Variants in PCDHA10 observed in about 807,000 individuals in gnomAD.
The protein encoded by PCDHA10 is protocadherin alpha-10.
PCDHA10 carries 45 observed loss-of-function variants against 61.2 expected under a neutral mutation model. The observed-to-expected ratio is 0.74, with a 90% confidence interval of 0.58 to 0.94. PCDHA10 has a LOEUF of 0.94. Ranked by LOEUF, PCDHA10 falls within the 40% of genes least tolerant of loss-of-function variation. The probability of loss-of-function intolerance (pLI) is 0.00; values close to 1 mark genes in which losing one functional copy is unlikely to be tolerated. For synonymous variants in PCDHA10, 602 were observed against 548.8 expected (o/e 1.10, Z -1.35); for missense variants, 1,278 against 1,236.2 (o/e 1.03, Z -0.51).
rs558801074 is a variant in PCDHA10 at position 140,931,826 on chromosome 5, G to A, written c.2389-47123G>A. On this transcript the variant is annotated intron_variant, in intron 1 of 3. Transcript: ENST00000307360. ...TCTTTAGAAAAGAATTCTTGTCATA[G>A]TATCCTGAATGCCTTAATAACAACA... Among the ~76,000 whole-genome samples, 28 of 151,962 alleles carry A rather than the reference G, an allele frequency of 1.8e-4. No homozygotes were observed. In the South Asian group the frequency reaches 5.4e-3, roughly 29 times the overall value.
intron 1 of PCDHA10, among the ~76,000 whole-genome samples, chr5:140,959,240 G>A (rs1554223957): frequency 1.3e-5 from 2 of 152,074 alleles, no homozygotes; most frequent in African/African-American, 4.8e-5. Flanking sequence ...ATCTGGGCAT[G>A]ATAGTGCATG....
intron 1 of PCDHA10, chr5:140,875,679 A>T (rs1554167850): frequency 4.3e-6 from 7 of 1,613,916 alleles, no homozygotes; most frequent in Non-Finnish European, 8.5e-7. Context: ...TGGCGTCCAA[A>T]AGACACGGGG....
intron 1 of PCDHA10, chr5:140,929,108 C>T (rs1255119645): frequency 6.2e-7 from 1 of 1,614,080 alleles, no homozygotes; most frequent in African/African-American, 1.3e-5. Flanking sequence ...TGCATGACAT[C>T]AGCCACCATA....
At chr5:140,938,827 C>T (rs905501922) in intron 1 of PCDHA10, among the ~76,000 whole-genome samples, 4 of 151,880 alleles carry the variant, frequency 2.6e-5, no homozygotes, top group Non-Finnish European at 4.4e-5. Context: ...CATGAGTTTG[C>T]GTTATAACAA....
At chr5:140,989,007 A>C (rs1356295875) in intron 3 of PCDHA10, 1 of 152,216 alleles carries the variant, frequency 6.6e-6, no homozygotes, top group Non-Finnish European at 1.5e-5. Flanking sequence ...ATAGAGACTT[A>C]TTATAGTTTC....
At chr5:140,878,906 C>T (rs1320249788) in intron 1 of PCDHA10, among the ~76,000 whole-genome samples, 2 of 152,210 alleles carry the variant, frequency 1.3e-5, no homozygotes, top group African/African-American at 4.8e-5. Flanking sequence ...CAGGCTCCAC[C>T]ACTCCCAGCT....
chr5:140,857,354 G>A lies in PCDHA10; in HGVS notation c.1306G>A (p.Ala436Thr), dbSNP rs1449369579. 2.5e-6 allele frequency: 4 copies of A among 1,598,262 alleles called. No homozygotes were observed. In the African/African-American group the frequency reaches 5.4e-5, roughly 22 times the overall value. ...ARDGGSPPLW[A>T]TASVSVEVAD... ...GGACGGGGGCTCGCCTCCGCTGTGG[G>A]CCACGGCCAGCGTGTCTGTGGAGGT... Residue 436 changes from alanine to threonine, a missense_variant, in exon 1 of 4, where the codon GCC (alanine) becomes ACC (threonine). By Grantham distance (58) the Ala-to-Thr change is moderately conservative (BLOSUM62 0). Transcript: ENST00000307360.
intron 1 of PCDHA10, among the ~76,000 whole-genome samples, chr5:140,886,964 A>T (rs2061244320): frequency 6.6e-6 from 1 of 152,114 alleles, no homozygotes; most frequent in Admixed American, 6.5e-5. Context: ...TTAGCAACGA[A>T]ATTTATTATT....
chr5:140,891,933 C>T (rs1554185011), intron 1 of PCDHA10, among the ~76,000 whole-genome samples: 1 of 152,220 alleles, frequency 6.6e-6, no homozygotes, highest in African/African-American at 2.4e-5. Flanking sequence ...TGATCTTGGA[C>T]TTCCCCTAGG....
intron 1 of PCDHA10, chr5:140,928,905 G>T: frequency 6.2e-7 from 1 of 1,614,138 alleles, no homozygotes; most frequent in South Asian, 1.1e-5. Flanking sequence ...AAGATGTCTG[G>T]GAACCAGGAG....
At chr5:141,001,025 TA>T (rs1300694860) in intron 3 of PCDHA10, among the ~76,000 whole-genome samples, 1 of 152,246 alleles carries the variant, frequency 6.6e-6, no homozygotes, top group African/African-American at 2.4e-5. Context: ...ACACTTATAA[TA>T]ATAGCTTTAA....
In PCDHA10 at chr5:140,951,072, T is replaced by G. The variant is rs551891980; in HGVS notation, c.2389-27877T>G. Among the ~76,000 whole-genome samples the G allele has an allele frequency of 1.1e-4, 16 of 152,184 alleles. No individual in the cohort carries two copies. The South Asian group carries it at 3.1e-3, about 30-fold the overall frequency. ...ATTGCTAAAATTTCCATTGGCTTTCTTATATTTTCCTTTTTTTCTGATAAG... is the reference window on the plus strand; with the variant it reads ...ATTGCTAAAATTTCCATTGGCTTTCGTATATTTTCCTTTTTTTCTGATAAG... On this transcript the variant is annotated intron_variant, in intron 1 of 3. Transcript: ENST00000307360.
intron 1 of PCDHA10, chr5:140,884,716 GTTGT>G (rs782735758): frequency 2.8e-5 from 41 of 1,468,898 alleles, no homozygotes; most frequent in Middle Eastern, 3.6e-4. Flanking sequence ...CTTCCTTGCA[GTTGT>G]TTGTTTAAGA....
At chr5:140,871,313 C>T (rs371295919) in intron 1 of PCDHA10, 2 of 1,614,042 alleles carry the variant, frequency 1.2e-6, no homozygotes, top group Non-Finnish European at 1.7e-6. Flanking sequence ...GGGAAGCCCA[C>T]GCTGGTGTGC....
chr5:140,993,891 C>G (rs2097585722), intron 3 of PCDHA10, among the ~76,000 whole-genome samples: 1 of 152,096 alleles, frequency 6.6e-6, no homozygotes. Flanking sequence ...CTATGATGTC[C>G]ATACAACAAA....
At chr5:140,873,265 T>A (rs2054186823) in intron 1 of PCDHA10, among the ~76,000 whole-genome samples, 1 of 152,228 alleles carries the variant, frequency 6.6e-6, no homozygotes, top group South Asian at 2.1e-4. Context: ...CAAAAGTGAT[T>A]AAACCATCAT....
chr5:141,000,421 A>ATAT (rs1265241806), intron 3 of PCDHA10, among the ~76,000 whole-genome samples: 11 of 27,980 alleles, frequency 3.9e-4, no homozygotes, highest in South Asian at 1.9e-3. Flanking sequence ...ATATATATAT[A>ATAT]TTTTTTTTTT....
intron 1 of PCDHA10, among the ~76,000 whole-genome samples, chr5:140,901,976 T>C (rs1470395593): frequency 6.6e-6 from 1 of 152,164 alleles, no homozygotes; most frequent in African/African-American, 2.4e-5. Context: ...ATGGGATTAC[T>C]TTTTAATTTC....
chr5:140,912,889 G>T (rs782116758), intron 1 of PCDHA10, among the ~76,000 whole-genome samples: 8 of 152,140 alleles, frequency 5.3e-5, no homozygotes, highest in Non-Finnish European at 1.2e-4. Context: ...TCATTCTGTT[G>T]ATATGATGTA....
Sources: gnomAD v4.1 joint callset for allele counts (sites outside exome capture counted in the v4.1 genomes callset) on GRCh38, gnomAD v4.1.1 for gene constraint, MANE v1.5 for transcripts, NCBI Gene and HGNC (gene_info 2026-07-23, HGNC 2026-07-21) for gene names.